The following PRKG2 variants were observed in gnomAD, a reference collection of about 807,000 sequenced individuals.
PRKG2 encodes the protein cGMP-dependent protein kinase 2.
A neutral mutation model predicts 97.2 loss-of-function variants in PRKG2; 33 were observed. The ratio of observed to expected loss-of-function variants is 0.34; its 90% CI spans 0.26 to 0.45. The LOEUF (loss-of-function observed/expected upper bound fraction) is 0.45. Ranked by LOEUF, PRKG2 falls within the 20% of genes least tolerant of loss-of-function variation. The pLI is 1.00. For missense variants in PRKG2, 638 were observed against 900.0 expected, an observed-to-expected ratio of 0.71 and a Z score of 3.73; for synonymous variants, 330 against 321.8, an observed-to-expected ratio of 1.03 and a Z score of -0.27.
intron 2 of PRKG2, among the ~76,000 whole-genome samples, chr4:81,200,824 T>C (rs1385033340): frequency 6.6e-6 from 1 of 152,196 alleles, no homozygotes; most frequent in Non-Finnish European, 1.5e-5. Flanking sequence ...TGATTCATCA[T>C]GAAATTTATA....
At chr4:81,196,732 T>A (rs558693300) in intron 2 of PRKG2, among the ~76,000 whole-genome samples, 1 of 151,586 alleles carries the variant, frequency 6.6e-6, no homozygotes, top group Non-Finnish European at 1.5e-5. Flanking sequence ...ATATAAAATA[T>A]TCTCTGGCCA....
intron 6 of PRKG2, among the ~76,000 whole-genome samples, chr4:81,159,559 C>A (rs1167793601): frequency 1.3e-5 from 2 of 152,104 alleles, no homozygotes; most frequent in African/African-American, 4.8e-5. Context: ...GGCGATTCCT[C>A]AGGGATCTAG....
At chr4:81,131,042 C>G (rs936183861) in intron 14 of PRKG2, among the ~76,000 whole-genome samples, 1 of 152,212 alleles carries the variant, frequency 6.6e-6, no homozygotes, top group African/African-American at 2.4e-5. Flanking sequence ...GAGAAAAAAA[C>G]TTCTGCAGCT....
rs1397716855 is a variant in PRKG2 at position 81,087,959 on chromosome 4, T to C, written c.*1749A>G. The C allele has an allele frequency of 1.3e-5, 2 of 152,094 alleles. No homozygotes were observed. Among genetic ancestry groups the C allele is most frequent in the Admixed American group, 1.3e-4 (2 of 15,262 alleles). The allele number at this position is 152,094 out of a possible 1,614,324, so 9.4% of individuals were successfully genotyped here. A position where few individuals can be genotyped will look rare whatever the true frequency, so the allele number is the denominator to read the frequency against. On this transcript the variant is annotated 3_prime_UTR_variant, in exon 19 of 19. Coordinates refer to ENST00000264399, the MANE Select transcript of PRKG2 (RefSeq NM_006259.3). ...ATAGTTCTAATATCCACCCAATACA[T>C]AAATTTTCTATCTTTATAGGTTGGA... is the stretch of plus-strand genomic sequence containing the variant.
chr4:81,103,017 A>G (rs1742955153), intron 17 of PRKG2, among the ~76,000 whole-genome samples: 1 of 152,222 alleles, frequency 6.6e-6, no homozygotes. Flanking sequence ...ACATATTCTT[A>G]AAAGTAATTT....
intron 6 of PRKG2, among the ~76,000 whole-genome samples, chr4:81,159,089 CA>C (rs1388118827): frequency 6.6e-6 from 1 of 152,100 alleles, no homozygotes; most frequent in Non-Finnish European, 1.5e-5. Context: ...GCAATGGCAA[CA>C]AAAGCCAAAA....
chr4:81,182,599 A>G (rs1442285564), intron 2 of PRKG2, among the ~76,000 whole-genome samples: 1 of 152,102 alleles, frequency 6.6e-6, no homozygotes, highest in Non-Finnish European at 1.5e-5. Context: ...TAGGAAAAGA[A>G]AAAAGTAAAC....
At chr4:81,144,612 T>A (rs192717450) in intron 9 of PRKG2, among the ~76,000 whole-genome samples, 1,714 of 123,244 alleles carry the variant, frequency 0.014, 17 homozygotes, top group Admixed American at 0.017. Context: ...ATATATATAT[T>A]TTTTTTTTAT....
intron 17 of PRKG2, among the ~76,000 whole-genome samples, chr4:81,094,989 C>G (rs901438841): frequency 1.3e-5 from 2 of 152,096 alleles, no homozygotes; most frequent in African/African-American, 2.4e-5. Flanking sequence ...GATGGTGATG[C>G]GTCCCTGTGA....
At chr4:81,155,037 G>C (rs1402071155) in intron 6 of PRKG2, among the ~76,000 whole-genome samples, 2 of 151,588 alleles carry the variant, frequency 1.3e-5, no homozygotes, top group African/African-American at 4.9e-5. Flanking sequence ...AATTAGCCGG[G>C]CGTAGTGGCG....
At chr4:81,195,061 G>T (rs1752872238) in intron 2 of PRKG2, among the ~76,000 whole-genome samples, 1 of 152,234 alleles carries the variant, frequency 6.6e-6, no homozygotes, top group South Asian at 2.1e-4. Context: ...TAAGATTAAG[G>T]ATTACAGCTG....
intron 3 of PRKG2, among the ~76,000 whole-genome samples, chr4:81,172,206 G>C (rs946105105): frequency 1.3e-5 from 2 of 152,006 alleles, no homozygotes; most frequent in African/African-American, 4.8e-5. Context: ...TGGATGGCAA[G>C]TGTTTTGTTT....
chr4:81,149,533 CTT>C (rs1191582801), intron 8 of PRKG2, among the ~76,000 whole-genome samples: 1 of 151,996 alleles, frequency 6.6e-6, no homozygotes, highest in Admixed American at 6.6e-5. Context: ...GCAGCATTTT[CTT>C]TTTCTTAGGT....
intron 8 of PRKG2, among the ~76,000 whole-genome samples, chr4:81,150,587 CT>C (rs1437008966): frequency 2.0e-5 from 3 of 152,052 alleles, no homozygotes; most frequent in African/African-American, 7.2e-5. Context: ...AATTCCCATG[CT>C]TTTTTTATTG....
chr4:81,204,287 T>C (rs147863511), intron 2 of PRKG2, among the ~76,000 whole-genome samples: 61 of 152,094 alleles, frequency 4.0e-4, no homozygotes, highest in African/African-American at 1.4e-3. Flanking sequence ...AGTTCACTCC[T>C]CTAGAAAAAG....
At position 81,174,861 on chromosome 4, in the gene PRKG2, C is replaced by G; in HGVS notation, c.560G>C (p.Arg187Thr). 6.2e-7 allele frequency: 1 copy of G among 1,613,238 alleles called. No individual in the cohort carries two copies. The highest frequency in any genetic ancestry group is 8.5e-7 in the Non-Finnish European group (1 of 1,179,396). ...IKDMVECMYG[R>T]NYQQGSYIIK... ...AATGTAACTCCCTTGCTGATAGTTTCTCCCATACATGCATTCCACCATGTC... is the reference window on the plus strand; with the variant it reads ...AATGTAACTCCCTTGCTGATAGTTTGTCCCATACATGCATTCCACCATGTC... The change falls in exon 3 of 19, where the codon AGA (arginine) becomes ACA (threonine). Residue 187 changes from arginine to threonine, a missense_variant. Physicochemically the swap from Arg to Thr is moderately conservative, Grantham distance 71. This residue lies in a region of PRKG2 where 332 missense variants were observed against 421.7 expected (regional missense o/e 0.79). Coordinates refer to ENST00000264399, the MANE Select transcript of PRKG2 (RefSeq NM_006259.3).
At chr4:81,152,076 A>C in intron 7 of PRKG2, 22 bp from the exon 8 acceptor site, 1 of 1,550,510 alleles carries the variant, frequency 6.4e-7, no homozygotes, top group Non-Finnish European at 8.9e-7. Flanking sequence ...TAAGCAATAC[A>C]AACAGAAAGA....
intron 13 of PRKG2, among the ~76,000 whole-genome samples, chr4:81,136,652 C>T (rs752649655): frequency 7.9e-5 from 12 of 152,016 alleles, no homozygotes; most frequent in East Asian, 3.9e-4. Flanking sequence ...GAGTTTAATT[C>T]GAATCCTTCC....
chr4:81,213,044 G>A (rs1399571692), intron 1 of PRKG2, among the ~76,000 whole-genome samples: 3 of 152,112 alleles, frequency 2.0e-5, no homozygotes, highest in Non-Finnish European at 4.4e-5. Flanking sequence ...AACACATAGG[G>A]CACCGTGTAT....
Sources: allele counts gnomAD v4.1 joint callset (sites outside exome capture counted in the v4.1 genomes callset), GRCh38; gene constraint gnomAD v4.1.1; regional missense constraint gnomAD v4.1.1; transcripts MANE v1.5; gene names NCBI Gene and HGNC (gene_info 2026-07-23, HGNC 2026-07-21).